Variants in ZFAND3 observed in about 807,000 individuals in gnomAD.
ZFAND3 encodes zinc finger AN1-type containing 3, also known as AN1-type zinc finger protein 3.
In ZFAND3, 10 loss-of-function variants were observed where a neutral mutation model predicts 29.6. That is an observed-to-expected ratio of 0.34 (90% CI 0.21 to 0.57). The LOEUF (loss-of-function observed/expected upper bound fraction) is 0.57, where lower values mean the gene tolerates loss of function less well. ZFAND3 is among the 20% of genes least tolerant of loss of function. The probability of loss-of-function intolerance (pLI) is 0.86; values close to 1 mark genes in which losing one functional copy is unlikely to be tolerated. For missense variants in ZFAND3, 230 were observed against 304.5 expected (o/e 0.76, Z 1.82); for synonymous variants, 128 against 112.6 (o/e 1.14, Z -0.87).
rs181195011 is a variant in ZFAND3 at position 37,981,644 on chromosome 6, A to G, written c.112+51645A>G. ...GTATGTTTTTGATGGGAAACACCAA[A>G]ATATATAGTGTTTGACTCTGGGTGG... On this transcript the variant is annotated intron_variant, in intron 2 of 5. Coordinates refer to ENST00000287218, the MANE Select transcript of ZFAND3 (RefSeq NM_021943.3). Among the ~76,000 whole-genome samples, 129 of 152,278 alleles carry G rather than the reference A, an allele frequency of 8.5e-4. 2 individuals are homozygous for G. The highest frequency in any genetic ancestry group is 3.1e-3 in the African/African-American group (127 of 41,578).
At chr6:37,833,616 G>C (rs1763903941) in intron 1 of ZFAND3, among the ~76,000 whole-genome samples, 1 of 152,178 alleles carries the variant, frequency 6.6e-6, no homozygotes, top group East Asian at 1.9e-4. Context: ...CTTGAGGTCA[G>C]GAGTTAGAGA....
At chr6:38,049,048 GACT>G (rs1763967058) in intron 2 of ZFAND3, among the ~76,000 whole-genome samples, 5 of 152,130 alleles carry the variant, frequency 3.3e-5, no homozygotes, top group Non-Finnish European at 7.3e-5. Flanking sequence ...CTTTAGGTGA[GACT>G]TACACTTGCC....
At position 37,851,811 on chromosome 6, in the gene ZFAND3, G is replaced by A. The variant is rs146352083; in HGVS notation, c.71+31795G>A. On this transcript the variant is annotated intron_variant, in intron 1 of 5. Coordinates refer to ENST00000287218, the MANE Select transcript of ZFAND3 (RefSeq NM_021943.3). ...TTGGCTACTTAGAGAAGATACTCAG[G>A]TGCACAGAAATTTGACCAGCTATTA... Among the ~76,000 whole-genome samples, 563 of 152,236 alleles carry A rather than the reference G, an allele frequency of 3.7e-3. 2 individuals are homozygous for A. Among genetic ancestry groups the A allele is most frequent in the Middle Eastern group, 0.014 (4 of 294 alleles).
intron 1 of ZFAND3, among the ~76,000 whole-genome samples, chr6:37,854,733 A>G (rs1764344785): frequency 6.9e-6 from 1 of 145,764 alleles, no homozygotes; most frequent in Non-Finnish European, 1.5e-5. Context: ...ACTGTATTAT[A>G]TTTTATTAAT....
chr6:37,887,109 T>C (rs1016321835), intron 1 of ZFAND3, among the ~76,000 whole-genome samples: 6 of 152,354 alleles, frequency 3.9e-5, no homozygotes, highest in Non-Finnish European at 7.4e-5. Context: ...GCATAAAGAA[T>C]GTTTTAATGA....
At chr6:38,111,513 C>T (rs2127482495) in intron 4 of ZFAND3, among the ~76,000 whole-genome samples, 1 of 152,310 alleles carries the variant, frequency 6.6e-6, no homozygotes, top group East Asian at 1.9e-4. Context: ...CCAGAAACTG[C>T]AAGACCAGCC....
At chr6:37,845,108 C>A (rs545583737) in intron 1 of ZFAND3, among the ~76,000 whole-genome samples, 1 of 152,044 alleles carries the variant, frequency 6.6e-6, no homozygotes. Context: ...TACCATATTC[C>A]GTGGTCAAAG....
chr6:38,100,465 T>A (rs540455471), intron 4 of ZFAND3, among the ~76,000 whole-genome samples: 1 of 152,308 alleles, frequency 6.6e-6, no homozygotes, highest in African/African-American at 2.4e-5. Flanking sequence ...AATAGGTTCT[T>A]ATTGGTGTTG....
chr6:38,104,797 A>G (rs1052508166), intron 4 of ZFAND3, among the ~76,000 whole-genome samples: 3 of 152,164 alleles, frequency 2.0e-5, no homozygotes, highest in African/African-American at 7.2e-5. Context: ...TTTCATTCCT[A>G]TATTTGCCCC....
In ZFAND3 at chr6:37,948,848, G is replaced by A. The variant is rs143971990; in HGVS notation, c.112+18849G>A. On this transcript the variant is annotated intron_variant, in intron 2 of 5. Coordinates refer to ENST00000287218, the MANE Select transcript of ZFAND3 (RefSeq NM_021943.3). ...GTCTGTACCACATTTTCTTTATCCA[G>A]CCTATCATTCTTGGGCATTTAGGTT... Among the ~76,000 whole-genome samples, 30 of 152,176 alleles carry A rather than the reference G, an allele frequency of 2.0e-4. No homozygotes were observed. In the East Asian group the frequency reaches 5.6e-3, roughly 28 times the overall value.
rs1443437719 is a variant in ZFAND3, at chr6:38,153,974, T to G, written c.*1585T>G. 5 of 985,368 alleles carry G rather than the reference T, an allele frequency of 5.1e-6. No individual in the cohort carries two copies. The African/African-American group carries it at 5.2e-5, about 10-fold the overall frequency. The allele number at this position is 985,368 out of a possible 1,614,324, so 61.0% of individuals were successfully genotyped here. ...GCTGAACACCTGCAACTGCAAATGT[T>G]TTTTGATCCGACGTACTGAAATAGG... On this transcript the variant is annotated 3_prime_UTR_variant, in exon 6 of 6. Transcript: ENST00000287218.
intron 4 of ZFAND3, among the ~76,000 whole-genome samples, chr6:38,099,121 A>G (rs1348408299): frequency 6.6e-6 from 1 of 152,202 alleles, no homozygotes; most frequent in African/African-American, 2.4e-5. Flanking sequence ...TCTAGGGCAC[A>G]TCACAATTTA....
chr6:38,080,725 A>G (rs1403100956), intron 3 of ZFAND3, among the ~76,000 whole-genome samples: 1 of 152,162 alleles, frequency 6.6e-6, no homozygotes, highest in Non-Finnish European at 1.5e-5. Context: ...GAACCCTTAC[A>G]TGGAAGCAGA....
intron 5 of ZFAND3, among the ~76,000 whole-genome samples, chr6:38,139,772 G>T (rs1765912188): frequency 6.6e-6 from 1 of 152,148 alleles, no homozygotes; most frequent in African/African-American, 2.4e-5. Context: ...TGTTGCAGTA[G>T]CCTCGGAAAA....
intron 1 of ZFAND3, among the ~76,000 whole-genome samples, chr6:37,910,381 G>A (rs752213342): frequency 1.3e-5 from 2 of 151,036 alleles, no homozygotes; most frequent in Non-Finnish European, 2.9e-5. Context: ...GTCCAGTTTT[G>A]GTTTCATTAA....
chr6:38,145,714 T>C (rs1163744655), intron 5 of ZFAND3, among the ~76,000 whole-genome samples: 1 of 152,246 alleles, frequency 6.6e-6, no homozygotes, highest in Non-Finnish European at 1.5e-5. Context: ...AATGTGTTTC[T>C]AAGGCCCTTT....
At chr6:37,912,464 T>G (rs1765540919) in intron 1 of ZFAND3, among the ~76,000 whole-genome samples, 2 of 152,280 alleles carry the variant, frequency 1.3e-5, no homozygotes, top group African/African-American at 4.8e-5. Flanking sequence ...AAATAGTTGT[T>G]GAAATTTGGT....
chr6:37,913,994 G>A (rs999382419), intron 1 of ZFAND3, among the ~76,000 whole-genome samples: 1 of 151,922 alleles, frequency 6.6e-6, no homozygotes, highest in Non-Finnish European at 1.5e-5. Context: ...CGAAGTGCTG[G>A]GATTACAGGT....
At chr6:38,125,495 G>A (rs910968919) in intron 5 of ZFAND3, among the ~76,000 whole-genome samples, 2 of 152,104 alleles carry the variant, frequency 1.3e-5, no homozygotes, top group African/African-American at 4.8e-5. Context: ...TTACAAGACC[G>A]AATGTGCAGG....
Sources: allele counts gnomAD v4.1 joint callset (sites outside exome capture counted in the v4.1 genomes callset), GRCh38; gene constraint gnomAD v4.1.1; transcripts MANE v1.5; gene names NCBI Gene and HGNC (gene_info 2026-07-23, HGNC 2026-07-21).